Variants in NR1H4 observed in about 807,000 individuals in gnomAD.
The protein encoded by NR1H4 is bile acid receptor.
A neutral mutation model predicts 58.5 loss-of-function variants in NR1H4; 23 were observed. The ratio of observed to expected loss-of-function variants is 0.39; its 90% confidence interval spans 0.28 to 0.56. The LOEUF is 0.56. Ranked by LOEUF, NR1H4 falls within the 20% of genes least tolerant of loss-of-function variation. NR1H4 has a pLI of 0.58. For synonymous variants in NR1H4, 214 were observed against 198.0 expected (o/e 1.08, Z -0.68); for missense variants, 487 against 576.9 (o/e 0.84, Z 1.60).
intron 4 of NR1H4, among the ~76,000 whole-genome samples, chr12:100,518,605 G>A (rs1795314061): frequency 6.6e-6 from 1 of 152,100 alleles, no homozygotes; most frequent in Non-Finnish European, 1.5e-5. Context: ...ACAATAACAA[G>A]TTGAGGCTTC....
At chr12:100,499,902 G>T (rs1172528566) in intron 3 of NR1H4, 6 of 455,850 alleles carry the variant, frequency 1.3e-5, no homozygotes, top group Admixed American at 7.1e-5. Context: ...TGTGGTCTTG[G>T]ACAAATTCCT....
chr12:100,545,657 A>C (rs1326118455), intron 9 of NR1H4, among the ~76,000 whole-genome samples: 4 of 146,882 alleles, frequency 2.7e-5, no homozygotes, highest in Admixed American at 6.8e-5. Context: ...AAAAAAAAAA[A>C]AAAAAAAAAA....
At chr12:100,535,942 G>A (rs963933322) in intron 6 of NR1H4, among the ~76,000 whole-genome samples, 1 of 152,082 alleles carries the variant, frequency 6.6e-6, no homozygotes, top group Non-Finnish European at 1.5e-5. Context: ...ATCTACAACA[G>A]CTACTCAACT....
In NR1H4 at chr12:100,563,513, A is replaced by G. The variant is rs773113824; in HGVS notation, c.*24A>G. 1.9e-6 allele frequency: 3 copies of G among 1,555,514 alleles called. No individual in the cohort carries two copies. The highest frequency in any genetic ancestry group is 3.3e-5 in the Admixed American group (2 of 59,942). On this transcript the variant is annotated 3_prime_UTR_variant, in exon 11 of 11. Transcript: ENST00000392986. ...GATGGGGATTACAGGGGAGGGGTCT[A>G]GCTCCTTTTTCTCTCTCATATTAAT...
At position 100,563,572 on chromosome 12, in the gene NR1H4, C is replaced by A; in HGVS notation, c.*83C>A. On this transcript the variant is annotated 3_prime_UTR_variant, in exon 11 of 11. Coordinates refer to ENST00000392986, the MANE Select transcript of NR1H4 (RefSeq NM_001206979.2). ...TAACTTTCCTTTATTTCACTTGTAC[C>A]CAGTTTCACTCAAGAAATCTTGATG... 1 of 1,053,740 alleles carries A rather than the reference C, an allele frequency of 9.5e-7. No individual in the cohort carries two copies. Among genetic ancestry groups the A allele is most frequent in the Non-Finnish European group, 1.5e-6 (1 of 674,070 alleles). 65.3% of individuals were successfully genotyped at this position (1,053,740 alleles called of 1,614,324 possible). A position where few individuals can be genotyped will look rare whatever the true frequency, so the allele number is the denominator to read the frequency against.
At chr12:100,484,820 C>T (rs1362881446) in intron 1 of NR1H4, among the ~76,000 whole-genome samples, 1 of 152,146 alleles carries the variant, frequency 6.6e-6, no homozygotes, top group Non-Finnish European at 1.5e-5. Context: ...CAGTAGTTCC[C>T]CATTGACCAC....
intron 10 of NR1H4, among the ~76,000 whole-genome samples, 196 bp downstream of exon 10, chr12:100,562,194 T>C (rs914947961): frequency 6.6e-6 from 1 of 152,246 alleles, no homozygotes; most frequent in Non-Finnish European, 1.5e-5. Context: ...ATCACACTTA[T>C]TCATTTAATA....
intron 3 of NR1H4, chr12:100,503,538 A>T: frequency 6.6e-7 from 1 of 1,524,322 alleles, no homozygotes; most frequent in African/African-American, 1.4e-5. Flanking sequence ...GAGCTCTTGC[A>T]ACTGGACTGA....
intron 1 of NR1H4, among the ~76,000 whole-genome samples, chr12:100,474,374 C>T (rs555723748): frequency 6.6e-6 from 1 of 152,290 alleles, no homozygotes; most frequent in African/African-American, 2.4e-5. Flanking sequence ...GTTCTGATTC[C>T]ATAAACAATT....
At chr12:100,520,250 C>T (rs1364100876) in intron 4 of NR1H4, among the ~76,000 whole-genome samples, 2 of 152,118 alleles carry the variant, frequency 1.3e-5, no homozygotes, top group Admixed American at 1.3e-4. Flanking sequence ...GGCTGACAAG[C>T]TCACATTGAA....
chr12:100,492,482 C>T (rs1173379166), intron 1 of NR1H4, 21 bp from the exon 2 acceptor site: 3 of 152,082 alleles, frequency 2.0e-5, no homozygotes, highest in African/African-American at 7.2e-5. Flanking sequence ...CATTATTTAA[C>T]CTTTCAAATT....
intron 8 of NR1H4, among the ~76,000 whole-genome samples, chr12:100,538,723 C>T (rs1259516196): frequency 6.6e-6 from 1 of 152,136 alleles, no homozygotes; most frequent in Non-Finnish European, 1.5e-5. Flanking sequence ...TTTAGTTAAA[C>T]ATGTTAATTT....
chr12:100,551,146 T>G (rs2136289994), intron 9 of NR1H4, among the ~76,000 whole-genome samples: 1 of 152,354 alleles, frequency 6.6e-6, no homozygotes, highest in East Asian at 1.9e-4. Flanking sequence ...TAAAACATGG[T>G]TTCTGCCCTT....
At chr12:100,488,225 C>T (rs974965682) in intron 1 of NR1H4, among the ~76,000 whole-genome samples, 1 of 152,110 alleles carries the variant, frequency 6.6e-6, no homozygotes, top group East Asian at 1.9e-4. Context: ...GTCTTGAACT[C>T]CCGACCTCAA....
chr12:100,483,954 G>C (rs899047597), intron 1 of NR1H4, among the ~76,000 whole-genome samples: 1 of 137,408 alleles, frequency 7.3e-6, no homozygotes, highest in African/African-American at 2.8e-5. Context: ...ACTGCACTCC[G>C]ACCTGGGCAA....
chr12:100,476,486 T>C (rs1464038968), intron 1 of NR1H4, among the ~76,000 whole-genome samples: 3 of 152,166 alleles, frequency 2.0e-5, no homozygotes, highest in African/African-American at 7.2e-5. Flanking sequence ...CATGCTGCTG[T>C]GATTAGGGAC....
chr12:100,516,996 G>C (rs1954284430), intron 4 of NR1H4, among the ~76,000 whole-genome samples: 1 of 151,960 alleles, frequency 6.6e-6, no homozygotes, highest in South Asian at 2.1e-4. Context: ...AGGGTAATTA[G>C]CACATCTAAC....
At chr12:100,534,837 C>T in intron 5 of NR1H4, 53 bp from the exon 6 acceptor site, 1 of 1,609,782 alleles carries the variant, frequency 6.2e-7, no homozygotes, top group Non-Finnish European at 8.5e-7. Flanking sequence ...TATGACCACA[C>T]ACCCAACAGT....
intron 3 of NR1H4, among the ~76,000 whole-genome samples, chr12:100,507,602 A>G (rs1399718571): frequency 6.6e-6 from 1 of 152,076 alleles, no homozygotes; most frequent in Non-Finnish European, 1.5e-5. Context: ...AGCTGGGACT[A>G]CAGGTGTGCA....
Sources: gnomAD v4.1 joint callset for allele counts (sites outside exome capture counted in the v4.1 genomes callset) on GRCh38, gnomAD v4.1.1 for gene constraint, MANE v1.5 for transcripts, NCBI Gene and HGNC (gene_info 2026-07-23, HGNC 2026-07-21) for gene names.